The following CDH8 variants were observed in gnomAD, a reference collection of about 807,000 sequenced individuals.
CDH8 encodes the protein cadherin 8, also known as cadherin-8.
In CDH8, 17 loss-of-function variants were observed where a neutral mutation model predicts 68.1. That is an observed-to-expected ratio of 0.25 (90% CI 0.17 to 0.37). The LOEUF is 0.37. CDH8 is among the 10% of genes least tolerant of loss of function. The pLI is 1.00. For missense variants in CDH8, 763 were observed against 999.3 expected (o/e 0.76, Z 3.19); for synonymous variants, 372 against 365.1 (o/e 1.02, Z -0.21).
At chr16:61,760,809 ACATT>A (rs1172456727) in intron 8 of CDH8, among the ~76,000 whole-genome samples, 1 of 152,168 alleles carries the variant, frequency 6.6e-6, no homozygotes, top group East Asian at 1.9e-4. Flanking sequence ...TGATATATTA[ACATT>A]AAACAAATAA....
At chr16:61,753,362 C>T (rs971666387) in intron 8 of CDH8, among the ~76,000 whole-genome samples, 2 of 151,982 alleles carry the variant, frequency 1.3e-5, no homozygotes, top group Non-Finnish European at 2.9e-5. Flanking sequence ...ACCTCAGCCT[C>T]TGGTGTAGGT....
chr16:61,869,541 T>C (rs947900122), intron 3 of CDH8, among the ~76,000 whole-genome samples: 19 of 152,186 alleles, frequency 1.2e-4, no homozygotes, highest in African/African-American at 4.3e-4. Context: ...TGAGTTCTGT[T>C]TTGTTCCCCA....
At chr16:61,994,701 A>G (rs971303988) in intron 2 of CDH8, among the ~76,000 whole-genome samples, 4 of 152,188 alleles carry the variant, frequency 2.6e-5, no homozygotes, top group African/African-American at 9.7e-5. Flanking sequence ...CTGTCCCACC[A>G]CAGAGGTACT....
intron 1 of CDH8, among the ~76,000 whole-genome samples, chr16:62,033,555 C>T (rs1367936838): frequency 6.6e-6 from 1 of 152,166 alleles, no homozygotes; most frequent in Non-Finnish European, 1.5e-5. Context: ...AAAGCAGAAG[C>T]ACTGATTTCT....
chr16:61,996,680 AATTAT>A (rs933993229), intron 2 of CDH8, among the ~76,000 whole-genome samples: 9 of 152,122 alleles, frequency 5.9e-5, no homozygotes, highest in Non-Finnish European at 1.0e-4. Flanking sequence ...ACACAAATTA[AATTAT>A]ATTATATCAA....
chr16:61,870,728 C>T (rs1963340189), intron 3 of CDH8, among the ~76,000 whole-genome samples: 1 of 152,156 alleles, frequency 6.6e-6, no homozygotes, highest in African/African-American at 2.4e-5. Flanking sequence ...GTCCTGACAA[C>T]ATGTGCCCAA....
At chr16:61,714,812 T>C (rs1964693411) in intron 9 of CDH8, among the ~76,000 whole-genome samples, 1 of 151,726 alleles carries the variant, frequency 6.6e-6, no homozygotes, top group African/African-American at 2.4e-5. Context: ...ATAATAGATT[T>C]ACCATAAAAA....
intron 10 of CDH8, chr16:61,693,378 C>T (rs910223140): frequency 1.3e-5 from 2 of 151,914 alleles, no homozygotes; most frequent in African/African-American, 4.8e-5. Flanking sequence ...GATGCCTTCT[C>T]CCTAGAAAGA....
intron 2 of CDH8, among the ~76,000 whole-genome samples, chr16:61,973,896 C>G (rs1965388518): frequency 6.6e-6 from 1 of 152,154 alleles, no homozygotes; most frequent in African/African-American, 2.4e-5. Context: ...TGAAATGCAC[C>G]TTAGTTCACA....
At chr16:62,030,946 T>C (rs537850816) in intron 1 of CDH8, among the ~76,000 whole-genome samples, 1 of 152,178 alleles carries the variant, frequency 6.6e-6, no homozygotes, top group African/African-American at 2.4e-5. Flanking sequence ...TAAGGTGAAC[T>C]GTTCAATTCA....
chr16:61,768,381 T>TCTCTCC (rs1960679762), intron 8 of CDH8, among the ~76,000 whole-genome samples: 3 of 104,012 alleles, frequency 2.9e-5, no homozygotes, highest in East Asian at 2.7e-4. Flanking sequence ...TTTCTCTCTC[T>TCTCTCC]CTCTCTCTCT....
intron 3 of CDH8, among the ~76,000 whole-genome samples, chr16:61,885,779 A>T (rs1963661541): frequency 1.3e-5 from 2 of 152,200 alleles, no homozygotes; most frequent in South Asian, 4.1e-4. Context: ...AGGTGAGAAA[A>T]AGGACAATAA....
At chr16:61,830,743 C>T (rs1962438320) in intron 4 of CDH8, among the ~76,000 whole-genome samples, 1 of 151,684 alleles carries the variant, frequency 6.6e-6, no homozygotes, top group East Asian at 2.0e-4. Flanking sequence ...TTAGGAGAAG[C>T]CATGTGACAA....
intron 3 of CDH8, among the ~76,000 whole-genome samples, chr16:61,879,146 T>G (rs1438421746): frequency 6.6e-6 from 1 of 152,192 alleles, no homozygotes; most frequent in Non-Finnish European, 1.5e-5. Flanking sequence ...AAGTTATTAT[T>G]CTCATGCTTT....
intron 3 of CDH8, among the ~76,000 whole-genome samples, chr16:61,896,288 C>G (rs1030395721): frequency 6.6e-6 from 1 of 152,220 alleles, no homozygotes; most frequent in African/African-American, 2.4e-5. Flanking sequence ...ATTTGGCTGC[C>G]ATTTGGGCAA....
At chr16:61,892,327 G>T (rs1214405091) in intron 3 of CDH8, among the ~76,000 whole-genome samples, 1 of 151,932 alleles carries the variant, frequency 6.6e-6, no homozygotes, top group Admixed American at 6.6e-5. Context: ...ATGCCTGCAG[G>T]ATCCTTTTGA....
chr16:61,817,788 C>T, intron 6 of CDH8, 56 bp from the exon 7 acceptor site: 8 of 1,502,962 alleles, frequency 5.3e-6, no homozygotes, highest in Non-Finnish European at 7.1e-6. Flanking sequence ...GCAGCAAGAA[C>T]AAATGAGTAT....
At position 61,652,610 on chromosome 16, in the gene CDH8, A is replaced by G; in HGVS notation, c.*998T>C. On this transcript the variant is annotated 3_prime_UTR_variant, in exon 12 of 12. Coordinates refer to ENST00000577390, the MANE Select transcript of CDH8 (RefSeq NM_001796.5). ...TGCCATACTCATCTCATCAAAATGT[A>G]CATGTATTAAACATTCATTGTATAT... The G allele has an allele frequency of 9.8e-7, 1 of 1,024,572 alleles. No individual in the cohort carries two copies. Among genetic ancestry groups the G allele is most frequent in the Non-Finnish European group, 1.2e-6 (1 of 821,572 alleles). The allele number at this position is 1,024,572 out of a possible 1,614,324, so 63.5% of individuals were successfully genotyped here. A position where few individuals can be genotyped will look rare whatever the true frequency, so the allele number is the denominator to read the frequency against.
At chr16:61,655,431 GA>G in intron 11 of CDH8, 38 bp downstream of exon 11, 2 of 1,609,278 alleles carry the variant, frequency 1.2e-6, no homozygotes, top group Middle Eastern at 1.7e-4. Context: ...TTATGAATCA[GA>G]AAAAGGGTGA....
Sources: allele counts gnomAD v4.1 joint callset (sites outside exome capture counted in the v4.1 genomes callset), GRCh38; gene constraint gnomAD v4.1.1; transcripts MANE v1.5; gene names NCBI Gene and HGNC (gene_info 2026-07-23, HGNC 2026-07-21).